PTPN4: variants seen among roughly 807,000 people sequenced by gnomAD.
PTPN4 encodes the protein tyrosine-protein phosphatase non-receptor type 4.
Under a neutral mutation model 135.5 loss-of-function variants are expected in PTPN4, and 49 were observed. The observed-to-expected ratio is 0.36, with a 90% confidence interval of 0.29 to 0.46. PTPN4 has a LOEUF of 0.46. Ranked by LOEUF, PTPN4 falls within the 20% of genes least tolerant of loss-of-function variation. The probability of loss-of-function intolerance (pLI) is 1.00; values close to 1 mark genes in which losing one functional copy is unlikely to be tolerated. For synonymous variants in PTPN4, 333 were observed against 369.9 expected (o/e 0.90, Z 1.14); for missense variants, 860 against 1,101.0 (o/e 0.78, Z 3.10).
intron 5 of PTPN4, among the ~76,000 whole-genome samples, chr2:119,879,498 C>T (rs1010547468): frequency 1.3e-5 from 2 of 152,080 alleles, no homozygotes; most frequent in African/African-American, 4.8e-5. Context: ...AGTGATTTTT[C>T]TACTCTGATT....
intron 9 of PTPN4, among the ~76,000 whole-genome samples, chr2:119,896,825 T>C (rs1678330841): frequency 6.6e-6 from 1 of 152,186 alleles, no homozygotes; most frequent in East Asian, 1.9e-4. Context: ...GTGGATTAGA[T>C]ATTACTGATA....
chr2:119,842,161 T>C (rs1677391294), intron 2 of PTPN4, among the ~76,000 whole-genome samples: 1 of 152,236 alleles, frequency 6.6e-6, no homozygotes, highest in African/African-American at 2.4e-5. Context: ...GGTCACAGTT[T>C]ATAAATGGTG....
chr2:119,980,477 A>G lies in PTPN4; in HGVS notation c.*3407A>G, dbSNP rs1679676399. The stretch of plus-strand genomic sequence containing the variant: ...CTTCACTTAGCCCATTTTTATCGGC[A>G]TTAGGAAATAGGGTTCAGCAATGGT... On this transcript the variant is annotated 3_prime_UTR_variant, in exon 27 of 27. Transcript: ENST00000263708. The G allele has an allele frequency of 6.6e-6, 1 of 151,986 alleles. No individual in the cohort carries two copies. Among genetic ancestry groups the G allele is most frequent in the Admixed American group, 6.6e-5 (1 of 15,230 alleles). 9.4% of individuals were successfully genotyped at this position (151,986 alleles called of 1,614,324 possible).
At chr2:119,921,893 A>G (rs955069661) in intron 12 of PTPN4, among the ~76,000 whole-genome samples, 1 of 152,064 alleles carries the variant, frequency 6.6e-6, no homozygotes, top group Non-Finnish European at 1.5e-5. Flanking sequence ...TACAAGGACT[A>G]CTCTTACCCT....
intron 1 of PTPN4, among the ~76,000 whole-genome samples, chr2:119,773,698 T>C (rs1303279668): frequency 6.9e-6 from 1 of 144,888 alleles, no homozygotes; most frequent in Non-Finnish European, 1.5e-5. Flanking sequence ...ATCGCACCAC[T>C]GCACTCCAGC....
chr2:119,844,848 T>G (rs4564785), intron 2 of PTPN4, among the ~76,000 whole-genome samples: 49,389 of 139,724 alleles, frequency 0.35, 10,135 homozygotes, highest in African/African-American at 0.56. Context: ...TCCCAGACGG[T>G]GTGGCAGCCG....
At chr2:119,909,332 C>T (rs1392518582) in intron 10 of PTPN4, among the ~76,000 whole-genome samples, 2 of 152,184 alleles carry the variant, frequency 1.3e-5, no homozygotes, top group East Asian at 3.9e-4. Context: ...ATGCTAGGTC[C>T]TAAATCTACC....
Position 119,945,177 on chromosome 2 carries a change from A to G in PTPN4, c.1452A>G (p.Gln484=), listed in dbSNP as rs751830720. 11 of 1,596,722 alleles carry G rather than the reference A, an allele frequency of 6.9e-6. No individual in the cohort carries two copies. The African/African-American group carries it at 1.1e-4, about 16-fold the overall frequency. ...ACCAAATTCATTATTCACATTCGCA[A>G]CAAGATCTAGAAAGTCATATTAATG... The part of the protein sequence containing the change: ...SWNQIHYSHS[Q]QDLESHINET... Residue 484 remains glutamine, a synonymous_variant, in exon 16 of 27, where the codon CAA becomes CAG. Transcript: ENST00000263708.
At chr2:119,883,817 T>C (rs1278765418) in intron 8 of PTPN4, among the ~76,000 whole-genome samples, 1 of 152,222 alleles carries the variant, frequency 6.6e-6, no homozygotes, top group Non-Finnish European at 1.5e-5. Flanking sequence ...TAGCACATTG[T>C]AGGCACTGAA....
At chr2:119,810,485 G>A (rs1662154191) in intron 2 of PTPN4, among the ~76,000 whole-genome samples, 2 of 152,304 alleles carry the variant, frequency 1.3e-5, no homozygotes, top group Non-Finnish European at 2.9e-5. Context: ...CCCATGTGGT[G>A]TGTTAACAGT....
At chr2:119,915,123 T>C in intron 10 of PTPN4, 56 bp from the exon 11 acceptor site, 2 of 1,355,204 alleles carry the variant, frequency 1.5e-6, no homozygotes, top group Non-Finnish European at 2.0e-6. Context: ...TTTCATAATT[T>C]GTTAATATTT....
chr2:119,894,705 T>G (rs1055204784), intron 9 of PTPN4, among the ~76,000 whole-genome samples: 2 of 152,146 alleles, frequency 1.3e-5, no homozygotes, highest in Non-Finnish European at 2.9e-5. Flanking sequence ...AATATTCATG[T>G]TTTATAAAGA....
At chr2:119,819,448 T>C (rs1677034460) in intron 2 of PTPN4, among the ~76,000 whole-genome samples, 1 of 152,252 alleles carries the variant, frequency 6.6e-6, no homozygotes, top group African/African-American at 2.4e-5. Flanking sequence ...AATTTTGATT[T>C]GAAACATTTA....
chr2:119,907,429 G>A (rs1235043328), intron 10 of PTPN4, among the ~76,000 whole-genome samples: 2 of 118,720 alleles, frequency 1.7e-5, no homozygotes, highest in African/African-American at 2.6e-5. Flanking sequence ...GCAAGACCTC[G>A]TCTCTATAAA....
intron 22 of PTPN4, 36 bp from the exon 23 acceptor site, chr2:119,960,771 G>C: frequency 6.3e-7 from 1 of 1,596,184 alleles, no homozygotes; most frequent in Non-Finnish European, 8.5e-7. Context: ...AAAAAGTAAT[G>C]CAAAACATTT....
intron 9 of PTPN4, among the ~76,000 whole-genome samples, chr2:119,889,380 A>G (rs1003797008): frequency 1.3e-5 from 2 of 152,174 alleles, no homozygotes; most frequent in Non-Finnish European, 2.9e-5. Context: ...AGATGGCGCC[A>G]CTGCACTCCA....
intron 11 of PTPN4, among the ~76,000 whole-genome samples, chr2:119,919,336 T>A (rs1223034111): frequency 6.6e-6 from 1 of 152,218 alleles, no homozygotes; most frequent in East Asian, 1.9e-4. Flanking sequence ...TGAATGTTCT[T>A]TATTTACAAT....
chr2:119,972,342 G>A (rs935163028), intron 26 of PTPN4, among the ~76,000 whole-genome samples: 2 of 152,116 alleles, frequency 1.3e-5, no homozygotes, highest in South Asian at 4.1e-4. Context: ...TTTTCAGCAT[G>A]CAAGTCTTGC....
intron 1 of PTPN4, among the ~76,000 whole-genome samples, chr2:119,762,602 C>G (rs1444975557): frequency 6.6e-6 from 1 of 152,030 alleles, no homozygotes; most frequent in Non-Finnish European, 1.5e-5. Flanking sequence ...CTGCCCCCCG[C>G]TTGAGAGTTA....
Sources: allele counts gnomAD v4.1 joint callset (sites outside exome capture counted in the v4.1 genomes callset), GRCh38; gene constraint gnomAD v4.1.1; transcripts MANE v1.5; gene names NCBI Gene and HGNC (gene_info 2026-07-23, HGNC 2026-07-21).